Variants in CDH8 observed in about 807,000 individuals in gnomAD.
CDH8 encodes cadherin-8.
In CDH8, 17 loss-of-function variants were observed where a neutral mutation model predicts 68.1. The ratio of observed to expected loss-of-function variants is 0.25; its 90% CI spans 0.17 to 0.37. The LOEUF (loss-of-function observed/expected upper bound fraction) is 0.37, where lower values mean the gene tolerates loss of function less well. Among genes scored for constraint, CDH8 ranks in the 10% least tolerant of loss-of-function variants. CDH8 has a pLI of 1.00. For synonymous variants in CDH8, 372 were observed against 365.1 expected, an observed-to-expected ratio of 1.02 and a Z score of -0.21; for missense variants, 763 against 999.3, an observed-to-expected ratio of 0.76 and a Z score of 3.19.
At chr16:61,837,172 C>G (rs1962586343) in intron 4 of CDH8, among the ~76,000 whole-genome samples, 1 of 152,018 alleles carries the variant, frequency 6.6e-6, no homozygotes, top group South Asian at 2.1e-4. Context: ...TCTTCTCAGA[C>G]AATGCTGCTG....
intron 10 of CDH8, among the ~76,000 whole-genome samples, chr16:61,680,417 G>A (rs560106621): frequency 1.8e-4 from 27 of 151,822 alleles, no homozygotes; most frequent in African/African-American, 3.1e-4. Context: ...AATACACGCC[G>A]TTCTCTTTCC....
intron 4 of CDH8, among the ~76,000 whole-genome samples, chr16:61,840,707 C>T (rs1049457453): frequency 1.3e-5 from 2 of 151,918 alleles, no homozygotes; most frequent in African/African-American, 4.8e-5. Flanking sequence ...ACTTATAAGT[C>T]GTAGATGAAC....
At chr16:62,013,090 T>C (rs1179318343) in intron 2 of CDH8, among the ~76,000 whole-genome samples, 1 of 68,780 alleles carries the variant, frequency 1.5e-5, no homozygotes, top group Non-Finnish European at 3.1e-5. Flanking sequence ...CCGTCTCTAC[T>C]AAAAAATACA....
At chr16:61,828,938 C>T (rs1962398563) in intron 4 of CDH8, among the ~76,000 whole-genome samples, 1 of 151,824 alleles carries the variant, frequency 6.6e-6, no homozygotes, top group Non-Finnish European at 1.5e-5. Flanking sequence ...GTTCCCCTTC[C>T]CCAACGTGAC....
intron 8 of CDH8, among the ~76,000 whole-genome samples, chr16:61,784,038 A>G (rs1426824033): frequency 6.6e-6 from 1 of 152,038 alleles, no homozygotes; most frequent in Non-Finnish European, 1.5e-5. Context: ...CTAACGAGCA[A>G]AATCACCAGC....
At chr16:61,836,995 C>A (rs1254274655) in intron 4 of CDH8, among the ~76,000 whole-genome samples, 1 of 151,980 alleles carries the variant, frequency 6.6e-6, no homozygotes, top group Admixed American at 6.6e-5. Flanking sequence ...CAAGCCAATA[C>A]CCTCCTTGAC....
At chr16:61,972,327 G>T (rs1965352509) in intron 2 of CDH8, among the ~76,000 whole-genome samples, 1 of 152,062 alleles carries the variant, frequency 6.6e-6, no homozygotes, top group Admixed American at 6.6e-5. Context: ...TTAGCAGCAT[G>T]AGAACAGACT....
chr16:61,930,088 G>T (rs1288809944), intron 2 of CDH8, among the ~76,000 whole-genome samples: 2 of 152,074 alleles, frequency 1.3e-5, no homozygotes, highest in Non-Finnish European at 2.9e-5. Context: ...TAATCAGTTT[G>T]TAATCACAGT....
At chr16:61,749,907 A>T (rs1214249050) in intron 8 of CDH8, among the ~76,000 whole-genome samples, 1 of 152,036 alleles carries the variant, frequency 6.6e-6, no homozygotes, top group Non-Finnish European at 1.5e-5. Flanking sequence ...ATATATTTTT[A>T]ATTTCAAATT....
At chr16:61,951,740 T>TGA (rs1964902009) in intron 2 of CDH8, among the ~76,000 whole-genome samples, 1 of 152,176 alleles carries the variant, frequency 6.6e-6, no homozygotes, top group Non-Finnish European at 1.5e-5. Context: ...AGCACTTTTA[T>TGA]AGGATGTTAA....
At chr16:61,745,361 A>C (rs1959993449) in intron 8 of CDH8, among the ~76,000 whole-genome samples, 2 of 151,866 alleles carry the variant, frequency 1.3e-5, no homozygotes, top group Non-Finnish European at 2.9e-5. Context: ...CCTGTTTAAG[A>C]GTTTACTGAT....
intron 2 of CDH8, among the ~76,000 whole-genome samples, chr16:61,951,052 T>TA (rs926182429): frequency 2.6e-5 from 4 of 151,600 alleles, no homozygotes; most frequent in African/African-American, 4.8e-5. Flanking sequence ...AAATAAAAGT[T>TA]AAAAAAAACC....
At chr16:61,760,603 G>T (rs548972040) in intron 8 of CDH8, among the ~76,000 whole-genome samples, 105 of 152,128 alleles carry the variant, frequency 6.9e-4, no homozygotes, top group African/African-American at 2.5e-3. Flanking sequence ...ATGAGCCACC[G>T]CATCTGGCAA....
chr16:61,960,320 C>CGT lies in CDH8; in HGVS notation c.253-58849_253-58848dup, dbSNP rs1555524919. 8.7e-5 allele frequency among the ~76,000 whole-genome samples: 5 copies of CGT among 57,270 alleles called. 1 individual carries two copies. The highest frequency in any genetic ancestry group is 4.8e-4 in the South Asian group (1 of 2,078). 37.6% of individuals were successfully genotyped at this position (57,270 alleles called of 152,430 possible). ...GTGTGTGTGTATACACACATATATA[C>CGT]GTGTGTGTGTATACACACATATATA... On this transcript the variant is annotated intron_variant, in intron 2 of 11. Transcript: ENST00000577390.
intron 3 of CDH8, among the ~76,000 whole-genome samples, chr16:61,891,671 T>C (rs1963781290): frequency 6.6e-6 from 1 of 152,146 alleles, no homozygotes; most frequent in African/African-American, 2.4e-5. Context: ...CCTCACCCCA[T>C]TGTAGAGTTT....
chr16:61,777,959 A>T (rs1422844536), intron 8 of CDH8, among the ~76,000 whole-genome samples: 6 of 152,064 alleles, frequency 3.9e-5, no homozygotes, highest in African/African-American at 1.4e-4. Flanking sequence ...CTTTGCTAAG[A>T]ACATTGATCT....
chr16:61,684,460 G>T (rs1226581907), intron 10 of CDH8, among the ~76,000 whole-genome samples: 1 of 151,978 alleles, frequency 6.6e-6, no homozygotes, highest in African/African-American at 2.4e-5. Flanking sequence ...ATATCTGATG[G>T]AAGACACAGT....
chr16:61,692,638 C>T lies in CDH8; in HGVS notation c.1654+21203G>A, dbSNP rs148842342. The T allele has an allele frequency of 1.1e-4, 17 of 151,010 alleles. No homozygotes were observed. The East Asian group carries it at 3.3e-3, about 30-fold the overall frequency. 9.4% of individuals were successfully genotyped at this position (151,010 alleles called of 1,614,324 possible). ...TTATTTTCCTTGAGATTTCCCCTGT[C>T]ATAACAGGCTAAATAATATTAATGA... is the stretch of plus-strand genomic sequence containing the variant. On this transcript the variant is annotated intron_variant, in intron 10 of 11. Transcript: ENST00000577390.
chr16:61,947,141 C>T (rs1964815128), intron 2 of CDH8, among the ~76,000 whole-genome samples: 1 of 152,004 alleles, frequency 6.6e-6, no homozygotes, highest in Non-Finnish European at 1.5e-5. Context: ...AAAACAACTT[C>T]ACCCCATTAT....
Sources: allele counts gnomAD v4.1 joint callset (sites outside exome capture counted in the v4.1 genomes callset), GRCh38; gene constraint gnomAD v4.1.1; transcripts MANE v1.5; gene names NCBI Gene and HGNC (gene_info 2026-07-23, HGNC 2026-07-21).